The following SLC24A4 variants were observed in gnomAD, a reference collection of about 807,000 sequenced individuals.
The protein encoded by SLC24A4 is sodium/potassium/calcium exchanger 4.
In SLC24A4, 53 loss-of-function variants were observed where a neutral mutation model predicts 79.0. That is an observed-to-expected ratio of 0.67 (90% CI 0.54 to 0.84). The LOEUF is 0.84. Ranked by LOEUF, SLC24A4 falls within the 40% of genes least tolerant of loss-of-function variation. The pLI, the probability that SLC24A4 is intolerant of heterozygous loss-of-function variation, is 0.00. For missense variants in SLC24A4, 731 were observed against 822.0 expected (o/e 0.89, Z 1.35); for synonymous variants, 323 against 323.8 (o/e 1.00, Z 0.03).
chr14:92,461,677 T>C (rs931446468), intron 12 of SLC24A4, among the ~76,000 whole-genome samples: 8 of 152,136 alleles, frequency 5.3e-5, no homozygotes, highest in Non-Finnish European at 1.0e-4. Flanking sequence ...TACAGTTACA[T>C]TGGGGGTTAG....
intron 14 of SLC24A4, among the ~76,000 whole-genome samples, chr14:92,489,500 C>T (rs1420595576): frequency 6.6e-6 from 1 of 152,092 alleles, no homozygotes; most frequent in Non-Finnish European, 1.5e-5. Context: ...CTGTACAAAC[C>T]AGGAGGCTGT....
intron 7 of SLC24A4, among the ~76,000 whole-genome samples, chr14:92,444,813 CT>C (rs1892697046): frequency 6.6e-6 from 1 of 152,082 alleles, no homozygotes; most frequent in Non-Finnish European, 1.5e-5. Flanking sequence ...CAAAATCGCA[CT>C]GCTGCACTTC....
Position 92,456,457 on chromosome 14 carries a change from C to G in SLC24A4, c.1104C>G (p.Asn368Lys). The part of the protein sequence containing the change: ...ANGVSSKPLQ[N>K]GRHENIENGN... The stretch of plus-strand genomic sequence containing the variant: ...GTGTGAGCAGTAAGCCGCTTCAAAA[C>G]GGGAGGCACGAGAACATTGAGAACG... The change falls in exon 12 of 17, where the codon AAC (asparagine) becomes AAG (lysine). Residue 368 changes from asparagine (N) to lysine (K), a missense_variant. Physicochemically the swap from Asn to Lys is moderately conservative, Grantham distance 94. Transcript: ENST00000532405. 6.2e-7 allele frequency: 1 copy of G among 1,614,218 alleles called. No individual in the cohort carries two copies. Among genetic ancestry groups the G allele is most frequent in the Non-Finnish European group, 8.5e-7 (1 of 1,180,042 alleles).
At chr14:92,448,956 C>A in intron 9 of SLC24A4, 118 bp from the exon 10 acceptor site, 1 of 1,241,938 alleles carries the variant, frequency 8.1e-7, no homozygotes, top group Non-Finnish European at 1.1e-6. Context: ...ACCTCCCCTG[C>A]CACCCACCAC....
intron 2 of SLC24A4, among the ~76,000 whole-genome samples, chr14:92,387,759 C>T (rs932948670): frequency 6.6e-6 from 1 of 152,248 alleles, no homozygotes; most frequent in Non-Finnish European, 1.5e-5. Context: ...TGCTTTCTGT[C>T]TCTAAGAACT....
Position 92,408,711 on chromosome 14 carries a change from A to AT in SLC24A4, c.242-25193dup, listed in dbSNP as rs201637180. Among the ~76,000 whole-genome samples, 879 of 152,168 alleles carry AT rather than the reference A, an allele frequency of 5.8e-3. 7 individuals are homozygous for AT. The highest frequency in any genetic ancestry group is 0.019 in the African/African-American group (782 of 41,514). The stretch of plus-strand genomic sequence containing the variant: ...ATAAGATAATGACTTACAAATGTGG[A>AT]TTTTTTTTATTTCTCTACTGGAGTT... On this transcript the variant is annotated intron_variant, in intron 2 of 16. Transcript: ENST00000532405.
At chr14:92,338,211 C>T (rs1469172724) in intron 2 of SLC24A4, among the ~76,000 whole-genome samples, 2 of 152,194 alleles carry the variant, frequency 1.3e-5, no homozygotes, top group African/African-American at 4.8e-5. Flanking sequence ...CTGGCCCTGA[C>T]ACAACCTGAT....
At chr14:92,336,296 A>T (rs1885799503) in intron 2 of SLC24A4, among the ~76,000 whole-genome samples, 1 of 152,366 alleles carries the variant, frequency 6.6e-6, no homozygotes, top group South Asian at 2.1e-4. Flanking sequence ...ATTGTCCATT[A>T]TTGAAGAGGC....
intron 12 of SLC24A4, among the ~76,000 whole-genome samples, chr14:92,471,945 G>A (rs1894460003): frequency 6.6e-6 from 1 of 152,192 alleles, no homozygotes; most frequent in African/African-American, 2.4e-5. Flanking sequence ...AGTTAACAGT[G>A]TGTATTAGGT....
chr14:92,373,930 C>A (rs2056805216), intron 2 of SLC24A4, among the ~76,000 whole-genome samples: 2 of 151,546 alleles, frequency 1.3e-5, no homozygotes, highest in Admixed American at 1.3e-4. Flanking sequence ...CATCTACTCA[C>A]CCCCTTCTCA....
At chr14:92,377,856 C>A (rs370221598) in intron 2 of SLC24A4, among the ~76,000 whole-genome samples, 2 of 151,742 alleles carry the variant, frequency 1.3e-5, no homozygotes, top group Non-Finnish European at 2.9e-5. Flanking sequence ...GACTCGGTGA[C>A]TGGTTTGCTG....
intron 2 of SLC24A4, among the ~76,000 whole-genome samples, chr14:92,414,327 GA>G (rs1890870925): frequency 6.6e-6 from 1 of 152,036 alleles, no homozygotes; most frequent in Non-Finnish European, 1.5e-5. Flanking sequence ...GGGTGAGGGG[GA>G]CAATCACCCC....
At chr14:92,415,672 G>T (rs1156413454) in intron 2 of SLC24A4, among the ~76,000 whole-genome samples, 1 of 152,084 alleles carries the variant, frequency 6.6e-6, no homozygotes, top group Non-Finnish European at 1.5e-5. Context: ...TGGCCAGGCT[G>T]GTCTCTAACT....
intron 2 of SLC24A4, among the ~76,000 whole-genome samples, chr14:92,344,090 A>G (rs1039697393): frequency 6.6e-5 from 10 of 152,218 alleles, no homozygotes; most frequent in African/African-American, 2.4e-4. Flanking sequence ...TGTGACTTGC[A>G]TTATAGGATA....
intron 12 of SLC24A4, among the ~76,000 whole-genome samples, chr14:92,472,355 GCAGTACA>G (rs1894484479): frequency 1.3e-5 from 2 of 152,130 alleles, no homozygotes; most frequent in Non-Finnish European, 2.9e-5. Context: ...CATCACCCAA[GCAGTACA>G]TACTGAACCC....
At chr14:92,378,786 G>A (rs28561500) in intron 2 of SLC24A4, among the ~76,000 whole-genome samples, 5,610 of 152,274 alleles carry the variant, frequency 0.037, 329 homozygotes, top group African/African-American at 0.12. Context: ...ACGGTGGCAC[G>A]CACCTGTAGT....
chr14:92,432,446 C>T lies in SLC24A4; in HGVS notation c.242-1466C>T, dbSNP rs576022238. On this transcript the variant is annotated intron_variant, in intron 2 of 16. Coordinates refer to ENST00000532405, the MANE Select transcript of SLC24A4 (RefSeq NM_153646.4). ...TGGTTTGGAGAATCAGGAAATGTCT[C>T]GAATTTTCATGACAGAAATGTCTAT... Among the ~76,000 whole-genome samples the T allele has an allele frequency of 5.3e-5, 8 of 152,300 alleles. No homozygotes were observed. In the East Asian group the frequency reaches 1.3e-3, roughly 26 times the overall value.
chr14:92,336,432 A>G (rs1344645374), intron 2 of SLC24A4, among the ~76,000 whole-genome samples: 2 of 152,202 alleles, frequency 1.3e-5, no homozygotes, highest in Admixed American at 1.3e-4. Context: ...TGTGGCTGAG[A>G]AACAAAAGCA....
chr14:92,383,071 G>A (rs1888945474), intron 2 of SLC24A4, among the ~76,000 whole-genome samples: 1 of 152,116 alleles, frequency 6.6e-6, no homozygotes, highest in Admixed American at 6.5e-5. Context: ...TGAGTAGTTG[G>A]CCGGCTGCCT....
Sources: gnomAD v4.1 joint callset for allele counts (sites outside exome capture counted in the v4.1 genomes callset) on GRCh38, gnomAD v4.1.1 for gene constraint, MANE v1.5 for transcripts, NCBI Gene and HGNC (gene_info 2026-07-23, HGNC 2026-07-21) for gene names.